The following BNC2 variants were observed in gnomAD, a reference collection of about 807,000 sequenced individuals.
BNC2 encodes basonuclin zinc finger protein 2.
BNC2 carries 20 observed loss-of-function variants against 76.3 expected under a neutral mutation model. The observed-to-expected ratio is 0.26, with a 90% CI of 0.18 to 0.38. The LOEUF (loss-of-function observed/expected upper bound fraction) is 0.38. BNC2 is among the 10% of genes least tolerant of loss of function. The pLI is 1.00. For synonymous variants in BNC2, 582 were observed against 514.8 expected (o/e 1.13, Z -1.77); for missense variants, 1,382 against 1,399.8 (o/e 0.99, Z 0.20).
At chr9:16,843,012 A>T (rs1007076974) in intron 1 of BNC2, among the ~76,000 whole-genome samples, 1 of 152,182 alleles carries the variant, frequency 6.6e-6, no homozygotes, top group Non-Finnish European at 1.5e-5. Flanking sequence ...TTATTTCAAA[A>T]TTCAAAGTTT....
At chr9:16,579,273 T>C (rs1819564201) in intron 4 of BNC2, among the ~76,000 whole-genome samples, 1 of 135,786 alleles carries the variant, frequency 7.4e-6, no homozygotes, top group Non-Finnish European at 1.5e-5. Flanking sequence ...TTAATCACTC[T>C]TTAATTTATT....
chr9:16,765,154 C>CA (rs1825656974), intron 1 of BNC2, among the ~76,000 whole-genome samples: 1 of 152,116 alleles, frequency 6.6e-6, no homozygotes, highest in Non-Finnish European at 1.5e-5. Flanking sequence ...ATTCTAGACC[C>CA]ATTTGAGGGA....
chr9:16,847,089 GTCC>G (rs1818999959), intron 1 of BNC2, among the ~76,000 whole-genome samples: 1 of 152,100 alleles, frequency 6.6e-6, no homozygotes, highest in Non-Finnish European at 1.5e-5. Context: ...TCTGTAGCAG[GTCC>G]TCAAGATAAA....
At chr9:16,533,214 A>G (rs1818033481) in intron 5 of BNC2, among the ~76,000 whole-genome samples, 1 of 152,214 alleles carries the variant, frequency 6.6e-6, no homozygotes, top group Non-Finnish European at 1.5e-5. Context: ...TGGATATGAA[A>G]AACATTAGAT....
chr9:16,845,624 G>A (rs552959511), intron 1 of BNC2, among the ~76,000 whole-genome samples: 2 of 152,150 alleles, frequency 1.3e-5, no homozygotes, highest in Admixed American at 1.3e-4. Flanking sequence ...GGGAGGCCGA[G>A]GCAGGAGAAT....
intron 1 of BNC2, among the ~76,000 whole-genome samples, chr9:16,818,857 G>T (rs1206318284): frequency 1.5e-5 from 2 of 132,628 alleles, no homozygotes; most frequent in Admixed American, 1.7e-4. Flanking sequence ...ATTTAAAGGA[G>T]TGAGGCATTT....
chr9:16,625,751 C>T (rs2275256), intron 3 of BNC2: 52,282 of 152,122 alleles, frequency 0.34, 9,228 homozygotes, highest in South Asian at 0.38. Flanking sequence ...TATCCCCGAC[C>T]CTGGGCATCG....
intron 3 of BNC2, among the ~76,000 whole-genome samples, chr9:16,665,861 C>A (rs913147226): frequency 6.6e-6 from 1 of 151,976 alleles, no homozygotes; most frequent in South Asian, 2.1e-4. Context: ...ACCTGTTGAA[C>A]CTCTCCTAGT....
chr9:16,445,995 T>C (rs201645964), intron 5 of BNC2, among the ~76,000 whole-genome samples: 11 of 152,312 alleles, frequency 7.2e-5, no homozygotes, highest in Non-Finnish European at 1.3e-4. Context: ...GAAAACTTTG[T>C]ATTAAAGAAG....
At position 16,811,076 on chromosome 9, in the gene BNC2, G is replaced by A. The variant is rs555755888; in HGVS notation, c.3+59570C>T. On this transcript the variant is annotated intron_variant, in intron 1 of 6. Transcript: ENST00000380672. ...TACTAAAAATACAAAAAATTAGCCA[G>A]GCATGGTGGCGGGCGCCTGTAGTCC... Among the ~76,000 whole-genome samples the A allele has an allele frequency of 1.0e-3, 157 of 152,058 alleles. 2 individuals are homozygous for A. Among genetic ancestry groups the A allele is most frequent in the African/African-American group, 3.6e-3 (150 of 41,490 alleles).
At chr9:16,621,225 T>C (rs1179676629) in intron 3 of BNC2, among the ~76,000 whole-genome samples, 1 of 152,154 alleles carries the variant, frequency 6.6e-6, no homozygotes, top group Non-Finnish European at 1.5e-5. Flanking sequence ...ATTTCTTTTG[T>C]CTGGGATTGT....
At chr9:16,778,511 A>C (rs1826031179) in intron 1 of BNC2, among the ~76,000 whole-genome samples, 1 of 152,262 alleles carries the variant, frequency 6.6e-6, no homozygotes, top group Non-Finnish European at 1.5e-5. Context: ...AGAAACAGAA[A>C]GGACAATCTA....
At chr9:16,774,205 C>T (rs754250672) in intron 1 of BNC2, among the ~76,000 whole-genome samples, 4 of 152,122 alleles carry the variant, frequency 2.6e-5, no homozygotes, top group African/African-American at 4.8e-5. Context: ...TGGTCTCGAA[C>T]GCCTGACCTC....
In BNC2 at chr9:16,807,491, A is replaced by T. The variant is rs560962408; in HGVS notation, c.3+63155T>A. Among the ~76,000 whole-genome samples, 3 of 152,344 alleles carry T rather than the reference A, an allele frequency of 2.0e-5. No individual in the cohort carries two copies. The South Asian group carries it at 6.2e-4, about 32-fold the overall frequency. On this transcript the variant is annotated intron_variant, in intron 1 of 6. Coordinates refer to ENST00000380672, the MANE Select transcript of BNC2 (RefSeq NM_017637.6). ...AATTGTCTCTTCATGCAATTAAAAA[A>T]GATGGAAGTTTTACTGGGGAGAAGG...
At chr9:16,590,453 A>C (rs545345158) in intron 3 of BNC2, among the ~76,000 whole-genome samples, 2 of 150,204 alleles carry the variant, frequency 1.3e-5, no homozygotes, top group Admixed American at 6.6e-5. Flanking sequence ...TCGGCCTCCC[A>C]AAGTGCTAGG....
At chr9:16,623,849 G>C (rs915262939) in intron 3 of BNC2, among the ~76,000 whole-genome samples, 1 of 152,132 alleles carries the variant, frequency 6.6e-6, no homozygotes, top group Non-Finnish European at 1.5e-5. Context: ...AAAGCAGAAG[G>C]TAGGAAATAA....
At chr9:16,525,701 T>A (rs1053455518) in intron 5 of BNC2, among the ~76,000 whole-genome samples, 3 of 152,228 alleles carry the variant, frequency 2.0e-5, no homozygotes, top group Non-Finnish European at 4.4e-5. Context: ...TGTGCTGATA[T>A]GAAGTTGTTT....
chr9:16,422,293 C>A (rs561512317), intron 6 of BNC2, among the ~76,000 whole-genome samples: 2 of 152,118 alleles, frequency 1.3e-5, no homozygotes, highest in African/African-American at 4.8e-5. Flanking sequence ...GTCCCTTTTC[C>A]GCTGTCAGCA....
rs1164447186 is a variant in BNC2 at position 16,658,994 on chromosome 9, C to CT, written c.330+68802dup. On this transcript the variant is annotated intron_variant, in intron 3 of 6. Coordinates refer to ENST00000380672, the MANE Select transcript of BNC2 (RefSeq NM_017637.6). ...AAACCATTGATCATCGCAACTGTCT[C>CT]TTTTTTTGAATGTGATTAAACTTAA... 4.6e-5 allele frequency among the ~76,000 whole-genome samples: 7 copies of CT among 152,276 alleles called. No individual in the cohort carries two copies. In the East Asian group the frequency reaches 5.8e-4, roughly 13 times the overall value.
Sources: allele counts gnomAD v4.1 joint callset (sites outside exome capture counted in the v4.1 genomes callset), GRCh38; gene constraint gnomAD v4.1.1; transcripts MANE v1.5; gene names NCBI Gene and HGNC (gene_info 2026-07-23, HGNC 2026-07-21).